Variants in FAM184A observed in about 807,000 individuals in gnomAD.
FAM184A encodes protein FAM184A.
FAM184A carries 99 observed loss-of-function variants against 143.8 expected under a neutral mutation model. That is an observed-to-expected ratio of 0.69 (90% confidence interval 0.58 to 0.81). FAM184A has a LOEUF of 0.81. Among genes scored for constraint, FAM184A ranks in the 40% least tolerant of loss-of-function variants. The probability of loss-of-function intolerance (pLI) is 0.00; values close to 1 mark genes in which losing one functional copy is unlikely to be tolerated. For synonymous variants in FAM184A, 427 were observed against 446.4 expected, an observed-to-expected ratio of 0.96 and a Z score of 0.55; for missense variants, 1,217 against 1,310.5, an observed-to-expected ratio of 0.93 and a Z score of 1.10.
At chr6:119,056,926 A>C (rs566879544) in intron 1 of FAM184A, among the ~76,000 whole-genome samples, 1 of 152,348 alleles carries the variant, frequency 6.6e-6, no homozygotes, top group South Asian at 2.1e-4. Flanking sequence ...AGCTAACAGG[A>C]TAGAAATAAG....
chr6:118,962,911 T>G (rs1041954366), intron 16 of FAM184A: 1 of 152,084 alleles, frequency 6.6e-6, no homozygotes, highest in African/African-American at 2.4e-5. Flanking sequence ...GTAAGCTTTT[T>G]AGGGAAATAA....
At chr6:118,973,681 G>T (rs542887632) in intron 14 of FAM184A, among the ~76,000 whole-genome samples, 7 of 152,106 alleles carry the variant, frequency 4.6e-5, no homozygotes, top group Non-Finnish European at 8.8e-5. Context: ...TTGGACCAGG[G>T]TTTAGGCCAC....
chr6:118,963,720 C>A (rs1215910531), intron 16 of FAM184A: 1 of 151,764 alleles, frequency 6.6e-6, no homozygotes, highest in East Asian at 1.9e-4. Context: ...ATTTATTCTA[C>A]TACTGATTTC....
At chr6:119,068,823 A>C (rs762537275) in intron 1 of FAM184A, among the ~76,000 whole-genome samples, 24 of 147,156 alleles carry the variant, frequency 1.6e-4, no homozygotes, top group Admixed American at 1.6e-3. Context: ...TGAGTCATCA[A>C]AACCTTATTA....
At chr6:119,059,003 G>A (rs1017046209) in intron 1 of FAM184A, among the ~76,000 whole-genome samples, 2 of 151,662 alleles carry the variant, frequency 1.3e-5, no homozygotes, top group Non-Finnish European at 2.9e-5. Flanking sequence ...TTTGAGACAA[G>A]GTCTTGTTCT....
chr6:119,058,980 T>C (rs1448402392), intron 1 of FAM184A, among the ~76,000 whole-genome samples: 1 of 151,920 alleles, frequency 6.6e-6, no homozygotes, highest in African/African-American at 2.4e-5. Context: ...TTTTATTTTA[T>C]ATTTTATCTT....
chr6:119,019,470 T>C (rs2114679263), intron 4 of FAM184A, among the ~76,000 whole-genome samples: 1 of 152,238 alleles, frequency 6.6e-6, no homozygotes, highest in Admixed American at 6.5e-5. Context: ...GAAAAGTATG[T>C]CCAAAACTCC....
intron 9 of FAM184A, among the ~76,000 whole-genome samples, chr6:119,001,537 G>T (rs1784756840): frequency 6.6e-6 from 1 of 151,986 alleles, no homozygotes; most frequent in South Asian, 2.1e-4. Flanking sequence ...TCTCAGGAAA[G>T]AACTGCAGAA....
In FAM184A at chr6:119,050,070, G is replaced by A. The variant is rs368276833; in HGVS notation, c.160-25257C>T. ...ACATACATGCAGTGAACCAGCATAC[G>A]AAAGAAAGGTCAATATCACTGATCA... On this transcript the variant is annotated intron_variant, in intron 1 of 17. Transcript: ENST00000338891. Among the ~76,000 whole-genome samples, 16 of 152,248 alleles carry A rather than the reference G, an allele frequency of 1.1e-4. No homozygotes were observed. In the South Asian group the frequency reaches 1.5e-3, roughly 14 times the overall value.
chr6:119,032,127 C>A (rs896474847), intron 1 of FAM184A, among the ~76,000 whole-genome samples: 3 of 151,930 alleles, frequency 2.0e-5, no homozygotes, highest in African/African-American at 2.4e-5. Flanking sequence ...CAAAAATTAG[C>A]TGGGCATGGT....
At chr6:118,976,438 G>A (rs1242773587) in intron 11 of FAM184A, among the ~76,000 whole-genome samples, 2 of 151,938 alleles carry the variant, frequency 1.3e-5, no homozygotes, top group Non-Finnish European at 2.9e-5. Context: ...CGAGGTGGGT[G>A]GATCACCTGA....
chr6:118,959,810 G>GA lies in FAM184A; in HGVS notation c.*292dup. Reference sequence around the variant, plus strand: ...ATATTTAAAAATTAAAGCAAACGTAGAAAAAAATAAAAAGCATTGTTTGAT... The same window carrying GA: ...ATATTTAAAAATTAAAGCAAACGTAGAAAAAAAATAAAAAGCATTGTTTGAT... On this transcript the variant is annotated 3_prime_UTR_variant, in exon 18 of 18. Transcript: ENST00000338891. 1.0e-5 allele frequency: 1 copy of GA among 99,564 alleles called. No individual in the cohort carries two copies. The highest frequency in any genetic ancestry group is 1.6e-5 in the Non-Finnish European group (1 of 60,878). The allele number at this position is 99,564 out of a possible 1,614,324, so 6.2% of individuals were successfully genotyped here. A position where few individuals can be genotyped will look rare whatever the true frequency, so the allele number is the denominator to read the frequency against.
At chr6:119,118,755 CA>C (rs1377301106) in intron 1 of FAM184A, among the ~76,000 whole-genome samples, 1 of 151,752 alleles carries the variant, frequency 6.6e-6, no homozygotes. Context: ...ATTGCGTTAA[CA>C]GCACAAATTG....
intron 14 of FAM184A, among the ~76,000 whole-genome samples, chr6:118,967,618 A>T (rs1783542340): frequency 6.6e-6 from 1 of 152,162 alleles, no homozygotes; most frequent in African/African-American, 2.4e-5. Context: ...GTTAAAATAT[A>T]GGCCACTTTT....
At chr6:118,998,327 C>G (rs994160613) in intron 9 of FAM184A, among the ~76,000 whole-genome samples, 1 of 152,224 alleles carries the variant, frequency 6.6e-6, no homozygotes, top group African/African-American at 2.4e-5. Flanking sequence ...CTGAAAACGT[C>G]TTTGGTCTCT....
intron 1 of FAM184A, among the ~76,000 whole-genome samples, chr6:119,095,870 T>C (rs904278249): frequency 2.0e-5 from 3 of 151,838 alleles, no homozygotes; most frequent in Non-Finnish European, 4.4e-5. Context: ...GGTTTTTCTA[T>C]TTTTTTGTGT....
At chr6:119,133,426 G>A (rs1789585667) in intron 1 of FAM184A, among the ~76,000 whole-genome samples, 1 of 152,080 alleles carries the variant, frequency 6.6e-6, no homozygotes, top group Admixed American at 6.5e-5. Flanking sequence ...TAGCACCTAT[G>A]GAAAGGAAAG....
At chr6:119,101,611 G>T (rs1428344789) in intron 1 of FAM184A, among the ~76,000 whole-genome samples, 1 of 152,106 alleles carries the variant, frequency 6.6e-6, no homozygotes, top group South Asian at 2.1e-4. Flanking sequence ...TTGAGTGTGG[G>T]CATGGGATGT....
rs140316149 is a variant in FAM184A at position 119,119,135 on chromosome 6, G to A, written c.-202+29943C>T. ...CGCCTAATAAATTTTGGTCAGACTG[G>A]TTGTCTGCTGTCAAACCCTGTCTCC... is the stretch of plus-strand genomic sequence containing the variant. On this transcript the variant is annotated intron_variant, in intron 1 of 16. Transcript: ENST00000352896. Among the ~76,000 whole-genome samples, 384 of 152,296 alleles carry A rather than the reference G, an allele frequency of 2.5e-3. 1 individual carries two copies. Among genetic ancestry groups the A allele is most frequent in the Middle Eastern group, 0.014 (4 of 294 alleles).
Sources: allele counts gnomAD v4.1 joint callset (sites outside exome capture counted in the v4.1 genomes callset), GRCh38; gene constraint gnomAD v4.1.1; transcripts MANE v1.5; gene names NCBI Gene and HGNC (gene_info 2026-07-23, HGNC 2026-07-21).